DNM1L: variants seen among roughly 807,000 people sequenced by gnomAD.
DNM1L encodes the protein dynamin 1L, also known as dynamin-1-like protein.
DNM1L carries 33 observed loss-of-function variants against 92.8 expected under a neutral mutation model. That is an observed-to-expected ratio of 0.36 (90% confidence interval 0.27 to 0.48). The LOEUF is 0.48. Ranked by LOEUF, DNM1L falls within the 20% of genes least tolerant of loss-of-function variation. The pLI is 0.99. For synonymous variants in DNM1L, 284 were observed against 305.0 expected (o/e 0.93, Z 0.72); for missense variants, 485 against 888.8 (o/e 0.55, Z 5.78).
intron 1 of DNM1L, among the ~76,000 whole-genome samples, chr12:32,696,049 A>C (rs914767182): frequency 6.6e-6 from 1 of 152,212 alleles, no homozygotes; most frequent in Non-Finnish European, 1.5e-5. Flanking sequence ...TAAAAATTAC[A>C]ATACAAGACA....
intron 9 of DNM1L, among the ~76,000 whole-genome samples, chr12:32,724,584 A>AT (rs1953983119): frequency 5.9e-5 from 4 of 67,290 alleles, no homozygotes; most frequent in Non-Finnish European, 1.5e-4. Flanking sequence ...TCCAAAAAAA[A>AT]AAAAAAAAAA....
chr12:32,690,315 A>G (rs993300329), intron 1 of DNM1L, among the ~76,000 whole-genome samples: 2 of 152,216 alleles, frequency 1.3e-5, no homozygotes, highest in African/African-American at 4.8e-5. Context: ...GATTTAGTTG[A>G]AAGGCCCAGA....
chr12:32,701,201 G>C (rs896866129), intron 1 of DNM1L, among the ~76,000 whole-genome samples: 17 of 151,904 alleles, frequency 1.1e-4, no homozygotes, highest in Middle Eastern at 3.2e-3. Context: ...GCTTGAACCC[G>C]GGAGGCGGAG....
chr12:32,717,614 G>A (rs1211360951), intron 6 of DNM1L, among the ~76,000 whole-genome samples: 1 of 100,596 alleles, frequency 9.9e-6, no homozygotes, highest in South Asian at 2.7e-4. Context: ...CATATACCTA[G>A]GTAGATATAT....
chr12:32,730,656 C>G (rs1954497732), intron 9 of DNM1L, among the ~76,000 whole-genome samples: 1 of 152,228 alleles, frequency 6.6e-6, no homozygotes, highest in African/African-American at 2.4e-5. Flanking sequence ...GTTTGCCAAC[C>G]TCTACTTCAG....
At chr12:32,738,337 G>T in intron 16 of DNM1L, 41 bp downstream of exon 16, 5 of 1,609,958 alleles carry the variant, frequency 3.1e-6, no homozygotes, top group Non-Finnish European at 3.4e-6. Context: ...GGTACCTTTG[G>T]TTCTCACTGA....
intron 1 of DNM1L, among the ~76,000 whole-genome samples, chr12:32,680,369 A>G (rs1025090583): frequency 3.9e-5 from 6 of 152,224 alleles, no homozygotes; most frequent in African/African-American, 1.2e-4. Flanking sequence ...ATTTCTTAAT[A>G]GTATCTTTTC....
At chr12:32,693,041 G>T (rs936742150) in intron 1 of DNM1L, among the ~76,000 whole-genome samples, 2 of 152,150 alleles carry the variant, frequency 1.3e-5, no homozygotes, top group African/African-American at 4.8e-5. Context: ...TCATGTTTGA[G>T]AATTTCTCTA....
intron 2 of DNM1L, among the ~76,000 whole-genome samples, chr12:32,705,246 G>A (rs185776176): frequency 2.8e-4 from 42 of 152,104 alleles, no homozygotes; most frequent in Admixed American, 7.2e-4. Flanking sequence ...CAGGTGATCC[G>A]TCTGCCTCGG....
intron 3 of DNM1L, 109 bp downstream of exon 3, chr12:32,707,522 T>G: frequency 1.4e-6 from 1 of 729,252 alleles, no homozygotes; most frequent in South Asian, 2.6e-5. Flanking sequence ...TTAAAGTAAC[T>G]ATAACTATTC....
chr12:32,730,731 GA>G (rs1225022737), intron 9 of DNM1L, among the ~76,000 whole-genome samples: 1 of 152,194 alleles, frequency 6.6e-6, no homozygotes. Context: ...CTAGGGCAGA[GA>G]AAAGGTGCTT....
intron 9 of DNM1L, among the ~76,000 whole-genome samples, chr12:32,724,593 A>AATATATATATAT (rs869170631): frequency 4.5e-5 from 3 of 66,668 alleles, no homozygotes; most frequent in Non-Finnish European, 8.2e-5. Flanking sequence ...AAAAAAAAAA[A>AATATATATATAT]ATATATATAT....
At chr12:32,699,775 C>T (rs1449852684) in intron 1 of DNM1L, among the ~76,000 whole-genome samples, 2 of 122,078 alleles carry the variant, frequency 1.6e-5, no homozygotes, top group African/African-American at 3.3e-5. Flanking sequence ...GCAGCCTGGG[C>T]GACAGAGCAA....
At chr12:32,738,378 G>GT in intron 16 of DNM1L, 82 bp downstream of exon 16, 1 of 1,424,906 alleles carries the variant, frequency 7.0e-7, no homozygotes, top group Non-Finnish European at 9.9e-7. Flanking sequence ...TAAAGAACCT[G>GT]TTTGTGTAGT....
chr12:32,709,366 C>T (rs1953040687), intron 4 of DNM1L, among the ~76,000 whole-genome samples: 1 of 152,116 alleles, frequency 6.6e-6, no homozygotes. Flanking sequence ...CATTTACTTA[C>T]TGAACTCAGC....
intron 12 of DNM1L, chr12:32,732,648 AG>A (rs1414879786): frequency 4.4e-6 from 2 of 449,884 alleles, no homozygotes. Context: ...TAGCAAGGAT[AG>A]CCCTCAGATT....
At chr12:32,720,915 T>G in intron 8 of DNM1L, 120 bp downstream of exon 8, 1 of 1,306,204 alleles carries the variant, frequency 7.7e-7, no homozygotes. Flanking sequence ...TTATGGTTTC[T>G]TATATAGTAG....
At chr12:32,691,505 A>G (rs1952233327) in intron 1 of DNM1L, among the ~76,000 whole-genome samples, 1 of 152,060 alleles carries the variant, frequency 6.6e-6, no homozygotes, top group Non-Finnish European at 1.5e-5. Context: ...GGCCTCCTGA[A>G]GTGCTGGGAT....
intron 1 of DNM1L, chr12:32,679,887 G>A (rs919810271): frequency 6.5e-5 from 64 of 989,014 alleles, no homozygotes; most frequent in Non-Finnish European, 7.6e-5. Flanking sequence ...TCCCATCACT[G>A]TTGGCTTTCG....
Sources: allele counts gnomAD v4.1 joint callset (sites outside exome capture counted in the v4.1 genomes callset), GRCh38; gene constraint gnomAD v4.1.1; transcripts MANE v1.5; gene names NCBI Gene and HGNC (gene_info 2026-07-23, HGNC 2026-07-21).